Variants in FAF1 observed in about 807,000 individuals in gnomAD.
The protein encoded by FAF1 is Fas associated factor 1.
In FAF1, 25 loss-of-function variants were observed where a neutral mutation model predicts 92.5. The ratio of observed to expected loss-of-function variants is 0.27; its 90% CI spans 0.20 to 0.38. The LOEUF (loss-of-function observed/expected upper bound fraction) is 0.38, where lower values mean the gene tolerates loss of function less well. FAF1 is among the 10% of genes least tolerant of loss of function. The probability of loss-of-function intolerance (pLI) is 1.00; values close to 1 mark genes in which losing one functional copy is unlikely to be tolerated. For synonymous variants in FAF1, 234 were observed against 273.2 expected, an observed-to-expected ratio of 0.86 and a Z score of 1.42; for missense variants, 636 against 793.3, an observed-to-expected ratio of 0.80 and a Z score of 2.38.
intron 1 of FAF1, among the ~76,000 whole-genome samples, chr1:50,948,681 C>T (rs1408087600): frequency 2.0e-5 from 3 of 151,920 alleles, no homozygotes; most frequent in Non-Finnish European, 4.4e-5. Flanking sequence ...TACAGGTGCA[C>T]GCCACCATAC....
chr1:50,888,787 T>G (rs554090745), intron 1 of FAF1, among the ~76,000 whole-genome samples: 2 of 152,342 alleles, frequency 1.3e-5, no homozygotes, highest in Non-Finnish European at 2.9e-5. Context: ...TGAGGATTTT[T>G]GCATTGATGT....
rs763511246 is a variant in FAF1, at chr1:50,935,467, ACT to A, written c.45+24298_45+24299del. 5.8e-3 allele frequency among the ~76,000 whole-genome samples: 844 copies of A among 145,426 alleles called. 6 individuals are homozygous for A. The highest frequency in any genetic ancestry group is 9.8e-3 in the Non-Finnish European group (652 of 66,520). ...TGAGTCATCACCCCTGGCCTGATTTACTCTCTCTTTTTTTTTTTTTTGAGATG... is the reference window on the plus strand; with the variant it reads ...TGAGTCATCACCCCTGGCCTGATTTACTCTCTTTTTTTTTTTTTTGAGATG... On this transcript the variant is annotated intron_variant, in intron 1 of 18. Coordinates refer to ENST00000396153, the MANE Select transcript of FAF1 (RefSeq NM_007051.3).
chr1:50,662,681 ATCTTTTTTTTT>A (rs1655430252), intron 7 of FAF1, among the ~76,000 whole-genome samples: 1 of 103,052 alleles, frequency 9.7e-6, no homozygotes, highest in Non-Finnish European at 2.0e-5. Context: ...ATGAATTTGT[ATCTTTTTTTTT>A]TTTTTTTTTT....
chr1:50,700,871 T>C (rs1316211079), intron 7 of FAF1, among the ~76,000 whole-genome samples: 1 of 152,122 alleles, frequency 6.6e-6, no homozygotes, highest in Non-Finnish European at 1.5e-5. Flanking sequence ...GGAAAAGACT[T>C]GTCAGTTCCA....
intron 6 of FAF1, among the ~76,000 whole-genome samples, chr1:50,730,897 A>C (rs1404314819): frequency 1.3e-5 from 2 of 152,202 alleles, no homozygotes; most frequent in Non-Finnish European, 2.9e-5. Flanking sequence ...TGACACAGGG[A>C]CAGAGGACTA....
intron 15 of FAF1, among the ~76,000 whole-genome samples, chr1:50,510,572 T>C (rs1647121757): frequency 6.6e-6 from 1 of 152,282 alleles, no homozygotes; most frequent in South Asian, 2.1e-4. Context: ...TCAGTCCCTA[T>C]GTGTCAGGGC....
chr1:50,907,072 G>C (rs1484818325), intron 1 of FAF1, among the ~76,000 whole-genome samples: 1 of 152,158 alleles, frequency 6.6e-6, no homozygotes, highest in Non-Finnish European at 1.5e-5. Flanking sequence ...CTAGTTTATT[G>C]AGAGTTTTTA....
chr1:50,822,868 G>A (rs371993037), intron 2 of FAF1, among the ~76,000 whole-genome samples: 7 of 149,208 alleles, frequency 4.7e-5, no homozygotes, highest in African/African-American at 9.9e-5. Context: ...TCTGCCTCTC[G>A]GGTTCAAGCG....
rs538659169 is a variant in FAF1, at chr1:50,889,761, T to G, written c.46-31764A>C. ...GTTATAATTTCTGTTCTTTTACATT[T>G]GCTGAGGAGTGCTTTACTTCCAACT... On this transcript the variant is annotated intron_variant, in intron 1 of 18. Transcript: ENST00000396153. Among the ~76,000 whole-genome samples, 77 of 152,338 alleles carry G rather than the reference T, an allele frequency of 5.1e-4. 1 individual carries two copies. In the South Asian group the frequency reaches 0.015, roughly 29 times the overall value.
intron 1 of FAF1, among the ~76,000 whole-genome samples, chr1:50,897,966 A>G (rs1644769448): frequency 6.6e-6 from 1 of 152,194 alleles, no homozygotes; most frequent in South Asian, 2.1e-4. Context: ...ATCTGAGCCC[A>G]ATCTGTTCCA....
intron 15 of FAF1, among the ~76,000 whole-genome samples, chr1:50,526,523 T>TA (rs982917733): frequency 2.0e-4 from 30 of 152,074 alleles, no homozygotes; most frequent in Middle Eastern, 6.8e-3. Context: ...AGGCTGGTCT[T>TA]AAACTCCTGA....
chr1:50,936,631 G>C (rs1241263574), intron 1 of FAF1, among the ~76,000 whole-genome samples: 1 of 152,204 alleles, frequency 6.6e-6, no homozygotes, highest in African/African-American at 2.4e-5. Context: ...AATTTAATAT[G>C]AAATTCAAAG....
chr1:50,599,737 T>C (rs1297627317), intron 8 of FAF1, among the ~76,000 whole-genome samples: 7 of 152,222 alleles, frequency 4.6e-5, no homozygotes, highest in African/African-American at 1.4e-4. Flanking sequence ...TTCAGTTATA[T>C]GCTGAATCAG....
chr1:50,502,013 A>C (rs1646996626), intron 15 of FAF1, among the ~76,000 whole-genome samples: 1 of 152,250 alleles, frequency 6.6e-6, no homozygotes. Context: ...TAAACACTAT[A>C]GAAAGCAGCA....
intron 13 of FAF1, among the ~76,000 whole-genome samples, chr1:50,546,091 A>G (rs1164334841): frequency 1.3e-5 from 2 of 152,198 alleles, no homozygotes; most frequent in African/African-American, 4.8e-5. Context: ...GCTTGAGGCC[A>G]GGAATTTGAA....
rs1660769723 is a variant in FAF1 at position 50,771,354 on chromosome 1, T to C, written c.367+16646A>G. Among the ~76,000 whole-genome samples the C allele has an allele frequency of 7.2e-5, 11 of 152,110 alleles. No homozygotes were observed. The South Asian group carries it at 2.3e-3, about 32-fold the overall frequency. ...GAGAAAATATTTGCAACCTACAGAATGGGAGGAGATATTTGCATCCAATAA... is the reference window on the plus strand; with the variant it reads ...GAGAAAATATTTGCAACCTACAGAACGGGAGGAGATATTTGCATCCAATAA... On this transcript the variant is annotated intron_variant, in intron 4 of 18. Coordinates refer to ENST00000396153, the MANE Select transcript of FAF1 (RefSeq NM_007051.3).
chr1:50,676,727 C>G (rs939775969), intron 7 of FAF1, among the ~76,000 whole-genome samples: 19 of 152,068 alleles, frequency 1.2e-4, no homozygotes, highest in Non-Finnish European at 2.4e-4. Context: ...GAGGCTGAGG[C>G]AGGAGAATCG....
intron 6 of FAF1, chr1:50,715,144 TATAATC>T (rs753293352): frequency 2.0e-5 from 5 of 244,102 alleles, no homozygotes; most frequent in Non-Finnish European, 4.3e-5. Context: ...ATGTTCAAAA[TATAATC>T]AGAATCACAG....
chr1:50,558,399 G>A lies in FAF1; in HGVS notation c.1268+8678C>T, dbSNP rs182213152. 2.1e-3 allele frequency among the ~76,000 whole-genome samples: 317 copies of A among 152,118 alleles called. 3 individuals carry two copies. Among genetic ancestry groups the A allele is most frequent in the African/African-American group, 7.5e-3 (310 of 41,490 alleles). On this transcript the variant is annotated intron_variant, in intron 13 of 18. Coordinates refer to ENST00000396153, the MANE Select transcript of FAF1 (RefSeq NM_007051.3). ...GAGTACACTGGTGGGGTCGGGGGAC[G>A]GGTTACAGAATGGGGAAGGATTCAG... is the stretch of plus-strand genomic sequence containing the variant.
Sources: gnomAD v4.1 joint callset for allele counts (sites outside exome capture counted in the v4.1 genomes callset) on GRCh38, gnomAD v4.1.1 for gene constraint, MANE v1.5 for transcripts, NCBI Gene and HGNC (gene_info 2026-07-23, HGNC 2026-07-21) for gene names.